Variants in NBEAL1 observed in about 807,000 individuals in gnomAD.
NBEAL1 encodes neurobeachin-like protein 1.
NBEAL1 carries 273 observed loss-of-function variants against 351.3 expected under a neutral mutation model. That is an observed-to-expected ratio of 0.78 (90% CI 0.70 to 0.86). NBEAL1 has a LOEUF of 0.86. NBEAL1 is among the 40% of genes least tolerant of loss of function. The pLI, the probability that NBEAL1 is intolerant of heterozygous loss-of-function variation, is 0.00. For missense variants in NBEAL1, 2,961 were observed against 3,201.3 expected (o/e 0.92, Z 1.81); for synonymous variants, 1,050 against 1,086.4 (o/e 0.97, Z 0.66).
intron 40 of NBEAL1, among the ~76,000 whole-genome samples, chr2:203,172,324 G>C (rs62182248): frequency 6.6e-6 from 1 of 151,726 alleles, no homozygotes; most frequent in Admixed American, 6.6e-5. Flanking sequence ...AGTTTGAGAC[G>C]AGCCTAGTCA....
chr2:203,104,503 C>T (rs1306430326), intron 12 of NBEAL1, among the ~76,000 whole-genome samples: 1 of 152,218 alleles, frequency 6.6e-6, no homozygotes, highest in African/African-American at 2.4e-5. Flanking sequence ...ACTTGCCACT[C>T]TGTGCCTTTT....
intron 6 of NBEAL1, among the ~76,000 whole-genome samples, chr2:203,058,129 C>T (rs1234804509): frequency 6.6e-6 from 1 of 152,062 alleles, no homozygotes; most frequent in African/African-American, 2.4e-5. Context: ...CGTGCCCGGC[C>T]TTTGTCCATT....
intron 41 of NBEAL1, among the ~76,000 whole-genome samples, chr2:203,174,146 C>T (rs1575083526): frequency 8.6e-6 from 1 of 115,668 alleles, no homozygotes; most frequent in Non-Finnish European, 1.7e-5. Flanking sequence ...TTGACTGGTT[C>T]TTCCTTTTTT....
At chr2:203,132,259 C>T (rs1272902587) in intron 26 of NBEAL1, 127 bp downstream of exon 26, 2 of 626,062 alleles carry the variant, frequency 3.2e-6, no homozygotes, top group Non-Finnish European at 2.7e-6. Context: ...CCTTGGATAC[C>T]ATATCTTACG....
chr2:203,088,966 A>T (rs2062015830), intron 10 of NBEAL1, among the ~76,000 whole-genome samples: 1 of 152,158 alleles, frequency 6.6e-6, no homozygotes, highest in African/African-American at 2.4e-5. Context: ...GAGGAGGGGA[A>T]TGTAAAAGAG....
At chr2:203,068,803 C>T (rs2061635268) in intron 7 of NBEAL1, among the ~76,000 whole-genome samples, 1 of 152,198 alleles carries the variant, frequency 6.6e-6, no homozygotes, top group Non-Finnish European at 1.5e-5. Flanking sequence ...GATCTTGGCT[C>T]ACCACAACCT....
At chr2:203,063,797 G>A (rs1215290901) in intron 6 of NBEAL1, among the ~76,000 whole-genome samples, 1 of 151,996 alleles carries the variant, frequency 6.6e-6, no homozygotes, top group Non-Finnish European at 1.5e-5. Context: ...AATAATTATA[G>A]TAATGAATTA....
chr2:203,021,080 C>T (rs1473809214), intron 2 of NBEAL1, among the ~76,000 whole-genome samples: 1 of 152,060 alleles, frequency 6.6e-6, no homozygotes, highest in East Asian at 1.9e-4. Context: ...GCACATGCCA[C>T]CAGGCCCAGC....
At chr2:203,120,518 G>A (rs371940133) in intron 18 of NBEAL1, among the ~76,000 whole-genome samples, 11 of 152,230 alleles carry the variant, frequency 7.2e-5, no homozygotes, top group African/African-American at 1.9e-4. Flanking sequence ...GGTTGAGCAG[G>A]GATGCATGGT....
intron 10 of NBEAL1, among the ~76,000 whole-genome samples, chr2:203,088,511 G>C (rs6435172): frequency 0.91 from 138,814 of 152,242 alleles, 63,765 homozygotes; most frequent in Non-Finnish European, 0.96. Flanking sequence ...AGGTACCCTC[G>C]CTCTGTCCCC....
In NBEAL1 at chr2:203,220,362, T is replaced by A. The variant is rs1371343700; in HGVS notation, c.*3008T>A. 2.6e-5 allele frequency among the ~76,000 whole-genome samples: 4 copies of A among 152,036 alleles called. No homozygotes were observed. Among genetic ancestry groups the A allele is most frequent in the Non-Finnish European group, 5.9e-5 (4 of 68,004 alleles). ...TGCTGGGCATGGTGGCAGGTGCCTG[T>A]AGTCCCAGCTACTCAGGAGGCTGAG... On this transcript the variant is annotated 3_prime_UTR_variant, in exon 56 of 56. Coordinates refer to ENST00000683969, the MANE Select transcript of NBEAL1 (RefSeq NM_001378026.1).
intron 2 of NBEAL1, among the ~76,000 whole-genome samples, chr2:203,024,722 T>G (rs1350300883): frequency 6.6e-6 from 1 of 151,818 alleles, no homozygotes; most frequent in Non-Finnish European, 1.5e-5. Context: ...ATTAGCTGTG[T>G]ATGGTGGTGC....
At position 203,099,718 on chromosome 2, in the gene NBEAL1, A is replaced by T; in HGVS notation, c.1269+6A>T. ...ACAAATCTCCAGCTGCTAAGGTGAAACATATATCCTCCAGCTTTTTTTTTT... is the reference window on the plus strand; with the variant it reads ...ACAAATCTCCAGCTGCTAAGGTGAATCATATATCCTCCAGCTTTTTTTTTT... On this transcript the variant is annotated splice_donor_region_variant and intron_variant, in intron 12 of 55. Coordinates refer to ENST00000683969, the MANE Select transcript of NBEAL1 (RefSeq NM_001378026.1). The T allele has an allele frequency of 6.6e-7, 1 of 1,523,188 alleles. No homozygotes were observed. The highest frequency in any genetic ancestry group is 1.3e-5 in the South Asian group (1 of 78,148). The allele number at this position is 1,523,188 out of a possible 1,614,324, so 94.4% of individuals were successfully genotyped here. A position where few individuals can be genotyped will look rare whatever the true frequency, so the allele number is the denominator to read the frequency against.
intron 25 of NBEAL1, among the ~76,000 whole-genome samples, chr2:203,131,576 G>C (rs1489686127): frequency 6.6e-6 from 1 of 152,002 alleles, no homozygotes; most frequent in East Asian, 1.9e-4. Flanking sequence ...ATTCTTTTAT[G>C]CCTATTGTTC....
At chr2:203,065,909 G>T (rs1346721467) in intron 6 of NBEAL1, among the ~76,000 whole-genome samples, 1 of 152,136 alleles carries the variant, frequency 6.6e-6, no homozygotes, top group Non-Finnish European at 1.5e-5. Context: ...TAATAATGGA[G>T]CAATTAACTA....
chr2:203,115,878 G>A, intron 17 of NBEAL1, 107 bp from the exon 18 acceptor site: 3 of 667,964 alleles, frequency 4.5e-6, no homozygotes, highest in Middle Eastern at 2.5e-4. Flanking sequence ...CAGCTGTGTT[G>A]TTTGAGTAGC....
At chr2:203,201,126 G>C (rs151236979) in intron 49 of NBEAL1, among the ~76,000 whole-genome samples, 1 of 152,278 alleles carries the variant, frequency 6.6e-6, no homozygotes, top group Non-Finnish European at 1.5e-5. Flanking sequence ...ACACTTATCT[G>C]CCTGATTTAT....
At chr2:203,150,384 C>T (rs927904285) in intron 34 of NBEAL1, among the ~76,000 whole-genome samples, 1 of 151,844 alleles carries the variant, frequency 6.6e-6, no homozygotes, top group Admixed American at 6.6e-5. Flanking sequence ...AAGTCCTTTG[C>T]CCATTTTTAG....
intron 10 of NBEAL1, among the ~76,000 whole-genome samples, chr2:203,088,151 T>C (rs1023017463): frequency 6.6e-6 from 1 of 152,226 alleles, no homozygotes; most frequent in African/African-American, 2.4e-5. Context: ...TTAAATGATA[T>C]AAACTCCAAT....
Sources: allele counts gnomAD v4.1 joint callset (sites outside exome capture counted in the v4.1 genomes callset), GRCh38; gene constraint gnomAD v4.1.1; transcripts MANE v1.5; gene names NCBI Gene and HGNC (gene_info 2026-07-23, HGNC 2026-07-21).